CCNY: variants seen among roughly 807,000 people sequenced by gnomAD.
CCNY encodes cyclin-Y.
A neutral mutation model predicts 42.8 loss-of-function variants in CCNY; 19 were observed. The observed-to-expected ratio is 0.44, with a 90% CI of 0.31 to 0.65. The LOEUF is 0.65. CCNY is among the 30% of genes least tolerant of loss of function. The probability of loss-of-function intolerance (pLI) is 0.07; values close to 1 mark genes in which losing one functional copy is unlikely to be tolerated. For missense variants in CCNY, 370 were observed against 437.3 expected (o/e 0.85, Z 1.37); for synonymous variants, 165 against 162.7 (o/e 1.01, Z -0.11).
At chr10:35,362,867 G>A (rs1441692948) in intron 1 of CCNY, among the ~76,000 whole-genome samples, 2 of 150,898 alleles carry the variant, frequency 1.3e-5, no homozygotes, top group Non-Finnish European at 3.0e-5. Context: ...CAGACAGTGG[G>A]GCAGCCAGGC....
At chr10:35,501,451 G>T in intron 2 of CCNY, 50 bp from the exon 3 acceptor site, 1 of 1,540,072 alleles carries the variant, frequency 6.5e-7, no homozygotes, top group East Asian at 2.2e-5. Flanking sequence ...ACCTGCCAGG[G>T]GTTGGCATGC....
At chr10:35,484,686 A>G (rs1839746434) in intron 2 of CCNY, among the ~76,000 whole-genome samples, 1 of 152,200 alleles carries the variant, frequency 6.6e-6, no homozygotes, top group African/African-American at 2.4e-5. Context: ...TGGAACCATG[A>G]AAAAAGAGGG....
chr10:35,542,345 A>G (rs1410804922), intron 7 of CCNY, among the ~76,000 whole-genome samples: 2 of 151,956 alleles, frequency 1.3e-5, no homozygotes, highest in Non-Finnish European at 2.9e-5. Flanking sequence ...CATCACATCA[A>G]AGGTACATTT....
chr10:35,405,597 C>T (rs1363653768), intron 1 of CCNY, among the ~76,000 whole-genome samples: 2 of 152,082 alleles, frequency 1.3e-5, no homozygotes, highest in Non-Finnish European at 2.9e-5. Flanking sequence ...GCCTGGCCGT[C>T]AATACCCACA....
intron 1 of CCNY, among the ~76,000 whole-genome samples, chr10:35,354,203 T>G (rs1009583612): frequency 1.3e-5 from 2 of 150,404 alleles, no homozygotes; most frequent in East Asian, 3.9e-4. Context: ...TTTTTTTTTT[T>G]GGGATGACAT....
intron 3 of CCNY, among the ~76,000 whole-genome samples, chr10:35,296,159 C>T (rs921468046): frequency 1.3e-5 from 2 of 152,066 alleles, no homozygotes; most frequent in Middle Eastern, 3.4e-3. Context: ...TAGCAGAAGA[C>T]CAGAAATAAC....
Position 35,530,346 on chromosome 10 carries a change from G to C in CCNY, c.579+103G>C. ...GGTTGGAGCAGGGAATCCTCACCAG[G>C]TTACCCTGTGGACACCGTGGCATAA... On this transcript the variant is annotated intron_variant, in intron 7 of 9. Coordinates refer to ENST00000374704, the MANE Select transcript of CCNY (RefSeq NM_145012.6). This position sits in a 1 kb window ranked among gnomAD's most constrained non-coding sequence, Gnocchi z 4.3. The C allele has an allele frequency of 7.0e-7, 1 of 1,436,106 alleles. No homozygotes were observed. The highest frequency in any genetic ancestry group is 1.4e-5 in the African/African-American group (1 of 71,438). 89.0% of individuals were successfully genotyped at this position (1,436,106 alleles called of 1,614,324 possible).
At chr10:35,403,425 A>C (rs1425118832) in intron 1 of CCNY, among the ~76,000 whole-genome samples, 1 of 152,146 alleles carries the variant, frequency 6.6e-6, no homozygotes. Flanking sequence ...ATCGATGAGA[A>C]GGAGAAAAAC....
At chr10:35,465,315 C>A (rs905685646) in intron 1 of CCNY, among the ~76,000 whole-genome samples, 1 of 152,142 alleles carries the variant, frequency 6.6e-6, no homozygotes, top group Admixed American at 6.5e-5. Context: ...GTCCGAGCAC[C>A]GATAGTTTTA....
At chr10:35,445,884 T>C (rs778954319) in intron 1 of CCNY, among the ~76,000 whole-genome samples, 1 of 152,256 alleles carries the variant, frequency 6.6e-6, no homozygotes. Flanking sequence ...TTTTTTTCTT[T>C]CTTACTACTT....
At chr10:35,253,745 A>C (rs1184377133) in intron 3 of CCNY, among the ~76,000 whole-genome samples, 1 of 152,156 alleles carries the variant, frequency 6.6e-6, no homozygotes, top group Non-Finnish European at 1.5e-5. Flanking sequence ...TTGAATAAAC[A>C]ACAACTGAAT....
intron 1 of CCNY, among the ~76,000 whole-genome samples, chr10:35,354,463 G>T (rs1836499460): frequency 6.6e-6 from 1 of 152,152 alleles, no homozygotes; most frequent in Non-Finnish European, 1.5e-5. Flanking sequence ...GGGATTACAG[G>T]CATGAGTCAC....
chr10:35,407,049 TGAG>T (rs945710053), intron 1 of CCNY, among the ~76,000 whole-genome samples: 26 of 152,216 alleles, frequency 1.7e-4, no homozygotes, highest in Admixed American at 4.6e-4. Flanking sequence ...TGAATTGGGT[TGAG>T]TTTTTGTATT....
intron 3 of CCNY, among the ~76,000 whole-genome samples, chr10:35,263,714 T>C (rs1040577629): frequency 1.3e-5 from 2 of 152,212 alleles, no homozygotes; most frequent in African/African-American, 4.8e-5. Context: ...CCGGGATACA[T>C]GTGCAGGATG....
intron 1 of CCNY, among the ~76,000 whole-genome samples, chr10:35,374,989 A>G (rs1451337880): frequency 6.6e-6 from 1 of 152,140 alleles, no homozygotes; most frequent in East Asian, 1.9e-4. Context: ...AAGGGAAAAG[A>G]GTGTGGCCAG....
Position 35,337,042 on chromosome 10 carries a change from G to A in CCNY, c.-12G>A. The A allele has an allele frequency of 6.4e-7, 1 of 1,554,118 alleles. No homozygotes were observed. The highest frequency in any genetic ancestry group is 8.7e-7 in the Non-Finnish European group (1 of 1,149,838). On this transcript the variant is annotated 5_prime_UTR_variant, in exon 1 of 10. Transcript: ENST00000374704. ...GAACAGGATAGCAGCAGGAGTCGGG[G>A]GGCCGCCGAAGATGGGGAACACTAC...
chr10:35,275,312 C>T (rs1018907892), intron 3 of CCNY, among the ~76,000 whole-genome samples: 35 of 151,704 alleles, frequency 2.3e-4, no homozygotes, highest in Non-Finnish European at 4.6e-4. Context: ...ATGATCTGCC[C>T]GCATTGGCCT....
In CCNY at chr10:35,530,154, C is replaced by T. The variant is rs772109976; in HGVS notation, c.490C>T (p.His164Tyr). 1.9e-6 allele frequency: 3 copies of T among 1,614,078 alleles called. No individual in the cohort carries two copies. Among genetic ancestry groups the T allele is most frequent in the Admixed American group, 1.7e-5 (1 of 60,004 alleles). ...CGAAGTGCCACCAGATTATGACAAA[C>T]ACAACCCAGAGCAGAAGCAGATTTA... ...KSEVPPDYDKHNPEQKQIYRF... is the reference protein window; with the variant it reads ...KSEVPPDYDKYNPEQKQIYRF... Residue 164 changes from histidine to tyrosine, a missense_variant, in exon 7 of 10, where the codon CAC becomes TAC. By Grantham distance (83) the His-to-Tyr change is moderately conservative. Coordinates refer to ENST00000374704, the MANE Select transcript of CCNY (RefSeq NM_145012.6). This position sits in a 1 kb window ranked among gnomAD's most constrained non-coding sequence, Gnocchi z 4.3.
chr10:35,445,490 G>T (rs1199661896), intron 1 of CCNY, among the ~76,000 whole-genome samples: 3 of 152,332 alleles, frequency 2.0e-5, no homozygotes, highest in Admixed American at 1.3e-4. Context: ...CTGCCAGGAA[G>T]GGTGGAAGAC....
Sources: allele counts gnomAD v4.1 joint callset (sites outside exome capture counted in the v4.1 genomes callset), GRCh38; gene constraint gnomAD v4.1.1; non-coding constraint Gnocchi (gnomAD v3.1); transcripts MANE v1.5; gene names NCBI Gene and HGNC (gene_info 2026-07-23, HGNC 2026-07-21).